Variants in GRB14 observed in about 807,000 individuals in gnomAD.
The protein encoded by GRB14 is growth factor receptor-bound protein 14.
A neutral mutation model predicts 69.1 loss-of-function variants in GRB14; 38 were observed. The observed-to-expected ratio is 0.55, with a 90% CI of 0.42 to 0.72. GRB14 has a LOEUF of 0.72. Among genes scored for constraint, GRB14 ranks in the 30% least tolerant of loss-of-function variants. The pLI, the probability that GRB14 is intolerant of heterozygous loss-of-function variation, is 0.00. For missense variants in GRB14, 666 were observed against 666.1 expected, an observed-to-expected ratio of 1.00 and a Z score of 0.00; for synonymous variants, 247 against 241.3, an observed-to-expected ratio of 1.02 and a Z score of -0.22.
chr2:164,613,278 T>A (rs900360541), intron 2 of GRB14, among the ~76,000 whole-genome samples: 12 of 152,194 alleles, frequency 7.9e-5, no homozygotes, highest in Non-Finnish European at 7.4e-5. Context: ...GAGATCTTTT[T>A]TTTCCCCTAG....
chr2:164,502,228 A>G (rs781429644), intron 9 of GRB14, 27 bp downstream of exon 9: 16 of 1,198,662 alleles, frequency 1.3e-5, no homozygotes, highest in Non-Finnish European at 2.0e-5. Context: ...GTAAAATAAA[A>G]CACAGGCTCA....
At chr2:164,530,519 G>C (rs1454436878) in intron 3 of GRB14, among the ~76,000 whole-genome samples, 1 of 152,008 alleles carries the variant, frequency 6.6e-6, no homozygotes, top group Non-Finnish European at 1.5e-5. Context: ...TGAGGACAGG[G>C]GATAGGAATC....
intron 2 of GRB14, among the ~76,000 whole-genome samples, chr2:164,564,705 G>A (rs576820764): frequency 1.3e-5 from 2 of 152,240 alleles, no homozygotes; most frequent in South Asian, 4.1e-4. Flanking sequence ...ATGCAAAAAT[G>A]TTTGCAAACA....
At chr2:164,619,624 T>A in intron 2 of GRB14, 63 bp downstream of exon 2, 2 of 1,144,120 alleles carry the variant, frequency 1.7e-6, no homozygotes, top group Non-Finnish European at 1.3e-6. Context: ...ACGGAACACC[T>A]TAAAGACTGT....
intron 5 of GRB14, among the ~76,000 whole-genome samples, chr2:164,522,914 A>C (rs1249536420): frequency 6.6e-6 from 1 of 152,082 alleles, no homozygotes; most frequent in Non-Finnish European, 1.5e-5. Flanking sequence ...TGTGGCCCTT[A>C]ACTAGCCTGG....
intron 2 of GRB14, among the ~76,000 whole-genome samples, chr2:164,611,524 G>A (rs1310787215): frequency 6.6e-6 from 1 of 151,310 alleles, no homozygotes; most frequent in Non-Finnish European, 1.5e-5. Context: ...CAGAGGTTAC[G>A]ACCACCCCGT....
chr2:164,571,972 T>A (rs957881614), intron 2 of GRB14, among the ~76,000 whole-genome samples: 8 of 152,204 alleles, frequency 5.3e-5, no homozygotes, highest in African/African-American at 1.7e-4. Context: ...ATTTGTTTGA[T>A]TAACCTGCTT....
intron 2 of GRB14, among the ~76,000 whole-genome samples, chr2:164,571,177 C>T (rs182451835): frequency 4.3e-4 from 65 of 152,316 alleles, no homozygotes; most frequent in South Asian, 3.5e-3. Flanking sequence ...CCAAATTTAA[C>T]TTCAGCCTAT....
rs751564510 is a variant in GRB14 at position 164,619,758 on chromosome 2, G to T, written c.253C>A (p.Leu85Ile). ...MPSIPNPFPELCCSPFTSVLS... is the reference protein window; with the variant it reads ...MPSIPNPFPEICCSPFTSVLS... Reference sequence around the variant, plus strand: ...ACAGATGTAAATGGAGAACAGCATAGCTCAGGAAAAGGGTTTGGAATAGAT... The same window carrying T: ...ACAGATGTAAATGGAGAACAGCATATCTCAGGAAAAGGGTTTGGAATAGAT... The change falls in exon 2 of 14, where the codon CTA (leucine) becomes ATA (isoleucine). Residue 85 changes from leucine to isoleucine, a missense_variant. Leu to Ile is a conservative substitution (Grantham distance 5). Coordinates refer to ENST00000263915, the MANE Select transcript of GRB14 (RefSeq NM_004490.3). The T allele has an allele frequency of 6.8e-6, 11 of 1,609,402 alleles. No individual in the cohort carries two copies. The African/African-American group carries it at 1.5e-4, about 22-fold the overall frequency.
chr2:164,615,319 G>C (rs1324796306), intron 2 of GRB14, among the ~76,000 whole-genome samples: 1 of 152,086 alleles, frequency 6.6e-6, no homozygotes, highest in Non-Finnish European at 1.5e-5. Flanking sequence ...ACCAATTTTA[G>C]GGAGAAGATG....
chr2:164,563,236 A>G (rs752595809), intron 2 of GRB14, among the ~76,000 whole-genome samples: 3 of 152,336 alleles, frequency 2.0e-5, no homozygotes, highest in East Asian at 1.9e-4. Flanking sequence ...GCATAGCTAC[A>G]TTTCATATCT....
At chr2:164,548,061 T>C (rs527587058) in intron 2 of GRB14, among the ~76,000 whole-genome samples, 5 of 152,320 alleles carry the variant, frequency 3.3e-5, no homozygotes, top group Admixed American at 1.3e-4. Flanking sequence ...CAATACACTA[T>C]TATGAACCAT....
intron 2 of GRB14, among the ~76,000 whole-genome samples, chr2:164,619,030 T>C (rs1356121071): frequency 6.6e-6 from 1 of 152,228 alleles, no homozygotes; most frequent in Non-Finnish European, 1.5e-5. Flanking sequence ...TGATGTATTT[T>C]CTGTTAGTTG....
chr2:164,583,185 C>T (rs1689455380), intron 2 of GRB14, among the ~76,000 whole-genome samples: 1 of 152,204 alleles, frequency 6.6e-6, no homozygotes, highest in Non-Finnish European at 1.5e-5. Flanking sequence ...TATCACTGTT[C>T]TCCCTATGGC....
At position 164,607,905 on chromosome 2, in the gene GRB14, C is replaced by T. The variant is rs556093449; in HGVS notation, c.324+11782G>A. On this transcript the variant is annotated intron_variant, in intron 2 of 13. Coordinates refer to ENST00000263915, the MANE Select transcript of GRB14 (RefSeq NM_004490.3). ...AATTTTTTTCCTAAGATGCTTTTGT[C>T]TTATAATGTGTCTTATATATATGTT... 3.4e-4 allele frequency among the ~76,000 whole-genome samples: 52 copies of T among 152,180 alleles called. No homozygotes were observed. In the South Asian group the frequency reaches 0.011, roughly 31 times the overall value.
chr2:164,552,313 C>T (rs918715085), intron 2 of GRB14, among the ~76,000 whole-genome samples: 3 of 152,156 alleles, frequency 2.0e-5, no homozygotes, highest in Non-Finnish European at 4.4e-5. Context: ...CAGGAACCTA[C>T]CCCAGGGTGA....
intron 8 of GRB14, among the ~76,000 whole-genome samples, chr2:164,502,943 G>A (rs1380397903): frequency 6.6e-6 from 1 of 152,016 alleles, no homozygotes; most frequent in Admixed American, 6.6e-5. Flanking sequence ...AAGCTTTCAA[G>A]GTACAATATA....
intron 2 of GRB14, among the ~76,000 whole-genome samples, chr2:164,560,101 G>A (rs964027305): frequency 2.6e-5 from 4 of 152,124 alleles, no homozygotes; most frequent in African/African-American, 9.7e-5. Flanking sequence ...ATGGTCACCA[G>A]CTGAGCCAGC....
intron 2 of GRB14, among the ~76,000 whole-genome samples, chr2:164,583,219 A>G (rs1053696222): frequency 1.2e-4 from 19 of 152,194 alleles, no homozygotes; most frequent in Admixed American, 8.5e-4. Context: ...AACCATTTCC[A>G]TACAAAGAAA....
Sources: gnomAD v4.1 joint callset for allele counts (sites outside exome capture counted in the v4.1 genomes callset) on GRCh38, gnomAD v4.1.1 for gene constraint, MANE v1.5 for transcripts, NCBI Gene and HGNC (gene_info 2026-07-23, HGNC 2026-07-21) for gene names.